Variants in ZNF609 observed in about 807,000 individuals in gnomAD.
ZNF609 encodes zinc finger protein 609.
Under a neutral mutation model 109.5 loss-of-function variants are expected in ZNF609, and 11 were observed. The observed-to-expected ratio is 0.10, with a 90% confidence interval of 0.06 to 0.17. The LOEUF is 0.17. Among genes scored for constraint, ZNF609 ranks in the 10% least tolerant of loss-of-function variants. ZNF609 has a pLI of 1.00. For synonymous variants in ZNF609, 646 were observed against 662.0 expected (o/e 0.98, Z 0.37); for missense variants, 1,559 against 1,772.4 (o/e 0.88, Z 2.16).
intron 2 of ZNF609, among the ~76,000 whole-genome samples, chr15:64,530,819 C>A (rs936702413): frequency 2.6e-5 from 4 of 152,098 alleles, no homozygotes; most frequent in African/African-American, 9.7e-5. Context: ...AGTATACATA[C>A]CCCTAGAGAG....
intron 2 of ZNF609, among the ~76,000 whole-genome samples, chr15:64,507,187 C>T (rs1248066466): frequency 6.6e-6 from 1 of 152,208 alleles, no homozygotes; most frequent in Non-Finnish European, 1.5e-5. Context: ...CCGGAATATG[C>T]AATCTCACGG....
Position 64,499,992 on chromosome 15 carries a change from G to T in ZNF609, c.573G>T (p.Leu191Phe). Residue 191 changes from leucine (L) to phenylalanine (F), a missense_variant, in exon 2 of 10, where the codon TTG (leucine) becomes TTT (phenylalanine). Physicochemically the swap from Leu to Phe is conservative, Grantham distance 22 (BLOSUM62 0). This residue lies in a region of ZNF609 where 291 missense variants were observed against 317.8 expected (regional missense o/e 0.92). Coordinates refer to ENST00000326648, the MANE Select transcript of ZNF609 (RefSeq NM_015042.2). ...CTGGGGTCCTCCAGCCAGTTCCCTT[G>T]GGAGGACGGGGTGGTCAGTATGATG... is the stretch of plus-strand genomic sequence containing the variant. ...KDPGVLQPVP[L>F]GGRGGQYDGS... The T allele has an allele frequency of 1.2e-6, 2 of 1,614,150 alleles. No individual in the cohort carries two copies. Among genetic ancestry groups the T allele is most frequent in the Non-Finnish European group, 1.7e-6 (2 of 1,180,030 alleles).
intron 2 of ZNF609, among the ~76,000 whole-genome samples, chr15:64,543,255 C>CTTT (rs77646116): frequency 1.8e-5 from 2 of 113,316 alleles, no homozygotes; most frequent in Non-Finnish European, 3.6e-5. Context: ...TTTGTTGTTG[C>CTTT]TTTTTTTTTT....
At chr15:64,506,492 G>A (rs546303699) in intron 2 of ZNF609, among the ~76,000 whole-genome samples, 96 of 150,584 alleles carry the variant, frequency 6.4e-4, no homozygotes, top group African/African-American at 2.2e-3. Flanking sequence ...AGGCCAAGGC[G>A]GGTGGATCAC....
intron 3 of ZNF609, among the ~76,000 whole-genome samples, chr15:64,669,445 A>G (rs1896694771): frequency 6.6e-6 from 1 of 152,224 alleles, no homozygotes; most frequent in South Asian, 2.1e-4. Context: ...GCTATCATTT[A>G]AGGAAGAATA....
intron 2 of ZNF609, among the ~76,000 whole-genome samples, chr15:64,587,732 G>A (rs1305847289): frequency 6.6e-6 from 1 of 152,062 alleles, no homozygotes; most frequent in Non-Finnish European, 1.5e-5. Flanking sequence ...TATTCTGGTA[G>A]GGAAACACTA....
At chr15:64,491,228 A>G (rs1226467135) in intron 1 of ZNF609, among the ~76,000 whole-genome samples, 1 of 152,190 alleles carries the variant, frequency 6.6e-6, no homozygotes, top group African/African-American at 2.4e-5. Context: ...GCTCCCATGA[A>G]GTGTGGCAGG....
At chr15:64,598,177 C>T (rs536288336) in intron 2 of ZNF609, among the ~76,000 whole-genome samples, 9 of 152,286 alleles carry the variant, frequency 5.9e-5, no homozygotes, top group East Asian at 5.8e-4. Flanking sequence ...TGCAGTGGCA[C>T]GGTCTCAGCT....
At chr15:64,668,933 CAA>C (rs1172723057) in intron 3 of ZNF609, among the ~76,000 whole-genome samples, 3 of 87,556 alleles carry the variant, frequency 3.4e-5, no homozygotes, top group Non-Finnish European at 6.1e-5. Context: ...GCCTGGGCAA[CAA>C]GAGCGAAACT....
rs147431298 is a variant in ZNF609, at chr15:64,589,463, G to A, written c.748-33364G>A. On this transcript the variant is annotated intron_variant, in intron 2 of 9. Transcript: ENST00000326648. Reference sequence around the variant, plus strand: ...TTATATATTTCCTTTAATTATTGCAGTAGCTCTATGCAATACACACTAGCA... The same window carrying A: ...TTATATATTTCCTTTAATTATTGCAATAGCTCTATGCAATACACACTAGCA... Among the ~76,000 whole-genome samples, 20 of 152,298 alleles carry A rather than the reference G, an allele frequency of 1.3e-4. No homozygotes were observed. The East Asian group carries it at 3.9e-3, about 29-fold the overall frequency.
intron 3 of ZNF609, among the ~76,000 whole-genome samples, chr15:64,666,505 G>A (rs905406396): frequency 1.3e-5 from 2 of 152,020 alleles, no homozygotes; most frequent in Non-Finnish European, 2.9e-5. Context: ...TTACTTTATT[G>A]TATTTATTTA....
chr15:64,562,096 T>A (rs1471962934), intron 2 of ZNF609, among the ~76,000 whole-genome samples: 2 of 152,238 alleles, frequency 1.3e-5, no homozygotes, highest in African/African-American at 4.8e-5. Flanking sequence ...AACTAGTAGA[T>A]GCTGGTATAA....
At chr15:64,592,680 G>A (rs1895320543) in intron 2 of ZNF609, among the ~76,000 whole-genome samples, 1 of 151,758 alleles carries the variant, frequency 6.6e-6, no homozygotes, top group African/African-American at 2.4e-5. Context: ...ATTCTGGGAG[G>A]CCAAAGCAGG....
intron 2 of ZNF609, among the ~76,000 whole-genome samples, chr15:64,555,095 C>CA (rs71133440): frequency 0.78 from 111,089 of 142,660 alleles, 44,644 homozygotes; most frequent in East Asian, 0.91. Context: ...GACACCATCT[C>CA]AAAAAAAAAA....
intron 2 of ZNF609, among the ~76,000 whole-genome samples, chr15:64,594,782 T>G (rs1036275093): frequency 1.3e-5 from 2 of 150,386 alleles, no homozygotes; most frequent in African/African-American, 4.9e-5. Context: ...ATCCCAGCAC[T>G]TTGGGAGGCC....
intron 2 of ZNF609, among the ~76,000 whole-genome samples, chr15:64,582,485 T>C (rs1895120415): frequency 6.6e-6 from 1 of 152,212 alleles, no homozygotes; most frequent in African/African-American, 2.4e-5. Context: ...TACACTCTTT[T>C]TCAAGTACTT....
chr15:64,626,461 T>C (rs1195343852), intron 3 of ZNF609, among the ~76,000 whole-genome samples: 2 of 152,220 alleles, frequency 1.3e-5, no homozygotes, highest in Non-Finnish European at 2.9e-5. Flanking sequence ...CTAGGTTTTT[T>C]TTTCTGCCTC....
At chr15:64,577,101 C>T (rs9745109) in intron 2 of ZNF609, among the ~76,000 whole-genome samples, 6 of 119,072 alleles carry the variant, frequency 5.0e-5, no homozygotes, top group African/African-American at 1.6e-4. Flanking sequence ...TGTATATATA[C>T]ACACAAATAT....
At chr15:64,650,942 A>G (rs1316919776) in intron 3 of ZNF609, among the ~76,000 whole-genome samples, 2 of 152,134 alleles carry the variant, frequency 1.3e-5, no homozygotes, top group Non-Finnish European at 2.9e-5. Flanking sequence ...AATTATAAAA[A>G]TGTTTGTTAC....
Sources: gnomAD v4.1 joint callset for allele counts (sites outside exome capture counted in the v4.1 genomes callset) on GRCh38, gnomAD v4.1.1 for gene constraint, gnomAD v4.1.1 regional missense constraint, MANE v1.5 for transcripts, NCBI Gene and HGNC (gene_info 2026-07-23, HGNC 2026-07-21) for gene names.